The following NRG3 variants were observed in gnomAD, a reference collection of about 807,000 sequenced individuals.
The protein encoded by NRG3 is pro-neuregulin-3, membrane-bound isoform.
NRG3 carries 31 observed loss-of-function variants against 66.9 expected under a neutral mutation model. That is an observed-to-expected ratio of 0.46 (90% CI 0.35 to 0.63). The LOEUF (loss-of-function observed/expected upper bound fraction) is 0.63. NRG3 is among the 20% of genes least tolerant of loss of function. The probability of loss-of-function intolerance (pLI) is 0.00; values close to 1 mark genes in which losing one functional copy is unlikely to be tolerated. For synonymous variants in NRG3, 393 were observed against 359.4 expected (o/e 1.09, Z -1.06); for missense variants, 910 against 878.9 (o/e 1.04, Z -0.45).
intron 8 of NRG3, among the ~76,000 whole-genome samples, chr10:82,982,133 C>T (rs544576699): frequency 5.1e-4 from 77 of 152,188 alleles, no homozygotes; most frequent in African/African-American, 1.8e-3. Context: ...GATTTGTAAA[C>T]GGAATATCTA....
chr10:82,560,862 G>A (rs1282759125), intron 2 of NRG3, among the ~76,000 whole-genome samples: 1 of 151,662 alleles, frequency 6.6e-6, no homozygotes, highest in African/African-American at 2.4e-5. Context: ...ATAATTATAT[G>A]ACTCTTTTTC....
chr10:82,731,309 G>A (rs1191502843), intron 2 of NRG3, among the ~76,000 whole-genome samples: 1 of 149,434 alleles, frequency 6.7e-6, no homozygotes, highest in Non-Finnish European at 1.5e-5. Context: ...GGAGGTTACA[G>A]TGAGCCGAGA....
At chr10:82,087,845 C>T (rs1454221596) in intron 1 of NRG3, among the ~76,000 whole-genome samples, 2 of 152,158 alleles carry the variant, frequency 1.3e-5, no homozygotes, top group South Asian at 2.1e-4. Context: ...AGGTCTCAGC[C>T]TATTAGCACA....
intron 2 of NRG3, among the ~76,000 whole-genome samples, chr10:82,700,033 G>C (rs534284495): frequency 6.6e-6 from 1 of 152,264 alleles, no homozygotes; most frequent in Admixed American, 6.5e-5. Context: ...TCCTCAAGAA[G>C]AAATTCAACA....
At chr10:82,955,818 C>G (rs998207374) in intron 5 of NRG3, among the ~76,000 whole-genome samples, 2 of 151,872 alleles carry the variant, frequency 1.3e-5, no homozygotes, top group Non-Finnish European at 2.9e-5. Context: ...CCAGCAAACA[C>G]CGGTGAAGAG....
At chr10:82,543,101 A>G (rs2043653409) in intron 2 of NRG3, among the ~76,000 whole-genome samples, 1 of 152,218 alleles carries the variant, frequency 6.6e-6, no homozygotes, top group South Asian at 2.1e-4. Context: ...CATGTTGGCC[A>G]GGCTGGTCTT....
chr10:82,592,673 C>G (rs935162267), intron 2 of NRG3, among the ~76,000 whole-genome samples: 1 of 152,102 alleles, frequency 6.6e-6, no homozygotes, highest in African/African-American at 2.4e-5. Context: ...GAAAATGTGA[C>G]CCTCATGCAG....
chr10:82,448,620 T>C (rs1022593779), intron 2 of NRG3, among the ~76,000 whole-genome samples: 8 of 152,206 alleles, frequency 5.3e-5, no homozygotes, highest in African/African-American at 1.9e-4. Context: ...AAATGGCTGC[T>C]TCTTTCCCCA....
intron 2 of NRG3, among the ~76,000 whole-genome samples, chr10:82,667,079 C>T (rs1378146624): frequency 6.6e-6 from 1 of 152,158 alleles, no homozygotes; most frequent in Non-Finnish European, 1.5e-5. Context: ...CAGAGCGCCC[C>T]TGCCTCTACG....
intron 3 of NRG3, among the ~76,000 whole-genome samples, chr10:82,814,923 G>A (rs1187981313): frequency 1.3e-5 from 2 of 152,076 alleles, no homozygotes; most frequent in Non-Finnish European, 2.9e-5. Context: ...TTACAGAGAA[G>A]GAAAGTGCAG....
intron 1 of NRG3, among the ~76,000 whole-genome samples, chr10:81,887,971 T>C (rs1395196889): frequency 6.6e-6 from 1 of 152,156 alleles, no homozygotes; most frequent in Non-Finnish European, 1.5e-5. Flanking sequence ...TGTGCACTTT[T>C]TGTATACATC....
chr10:82,033,362 G>C (rs2062657043), intron 1 of NRG3, among the ~76,000 whole-genome samples: 1 of 152,022 alleles, frequency 6.6e-6, no homozygotes, highest in Non-Finnish European at 1.5e-5. Context: ...TGGATAACTA[G>C]TATTTACCAT....
intron 2 of NRG3, among the ~76,000 whole-genome samples, chr10:82,628,188 GAT>G (rs1257724064): frequency 6.6e-6 from 1 of 152,150 alleles, no homozygotes; most frequent in Non-Finnish European, 1.5e-5. Context: ...GAATTTTAAA[GAT>G]AGTGATTGGA....
At chr10:82,661,355 AATAT>A (rs1177957023) in intron 2 of NRG3, among the ~76,000 whole-genome samples, 1 of 152,066 alleles carries the variant, frequency 6.6e-6, no homozygotes, top group Non-Finnish European at 1.5e-5. Flanking sequence ...TACACATATA[AATAT>A]ATAAACAGCA....
chr10:82,761,543 A>G (rs535162391), intron 3 of NRG3, among the ~76,000 whole-genome samples: 45 of 152,260 alleles, frequency 3.0e-4, no homozygotes, highest in Admixed American at 5.9e-4. Context: ...AATTCTGTTG[A>G]TAAAGTGCTC....
intron 2 of NRG3, among the ~76,000 whole-genome samples, chr10:82,506,118 C>A (rs777087230): frequency 6.6e-6 from 1 of 152,084 alleles, no homozygotes; most frequent in Non-Finnish European, 1.5e-5. Flanking sequence ...CATGGTGGCA[C>A]GTGCCTGTAA....
intron 1 of NRG3, among the ~76,000 whole-genome samples, chr10:82,075,456 A>T (rs1283335881): frequency 6.6e-6 from 1 of 152,136 alleles, no homozygotes. Flanking sequence ...AAGATTTAGC[A>T]TGTTTAAGAA....
At chr10:82,009,427 C>T (rs2061493225) in intron 1 of NRG3, among the ~76,000 whole-genome samples, 1 of 152,080 alleles carries the variant, frequency 6.6e-6, no homozygotes, top group African/African-American at 2.4e-5. Flanking sequence ...GTGGTTGAGC[C>T]TTTCACCAAG....
intron 1 of NRG3, among the ~76,000 whole-genome samples, chr10:82,104,403 A>C (rs1455470351): frequency 6.6e-6 from 1 of 152,232 alleles, no homozygotes; most frequent in African/African-American, 2.4e-5. Flanking sequence ...ATCAGAGGAA[A>C]AGAGAGTGGG....
Sources: allele counts gnomAD v4.1 joint callset (sites outside exome capture counted in the v4.1 genomes callset), GRCh38; gene constraint gnomAD v4.1.1; transcripts MANE v1.5; gene names NCBI Gene and HGNC (gene_info 2026-07-23, HGNC 2026-07-21).